CRPPA: variants seen among roughly 807,000 people sequenced by gnomAD.
CRPPA encodes D-ribitol-5-phosphate cytidylyltransferase.
CRPPA carries 43 observed loss-of-function variants against 52.0 expected under a neutral mutation model. The observed-to-expected ratio is 0.83, with a 90% CI of 0.65 to 1.07. The LOEUF (loss-of-function observed/expected upper bound fraction) is 1.07. Among genes scored for constraint, CRPPA ranks in the 50% least tolerant of loss-of-function variants. The pLI, the probability that CRPPA is intolerant of heterozygous loss-of-function variation, is 0.00. For missense variants in CRPPA, 629 were observed against 551.7 expected, an observed-to-expected ratio of 1.14 and a Z score of -1.40; for synonymous variants, 250 against 203.5, an observed-to-expected ratio of 1.23 and a Z score of -1.94.
intron 5 of CRPPA, among the ~76,000 whole-genome samples, chr7:16,300,036 G>A (rs937923273): frequency 3.3e-5 from 5 of 152,104 alleles, no homozygotes; most frequent in Non-Finnish European, 7.4e-5. Context: ...TCATTCAGCC[G>A]ACTTTTCCAG....
chr7:16,379,577 G>A (rs1403332156), intron 2 of CRPPA, among the ~76,000 whole-genome samples: 1 of 152,112 alleles, frequency 6.6e-6, no homozygotes, highest in Non-Finnish European at 1.5e-5. Flanking sequence ...AAATTACCTT[G>A]GGCAGTACGG....
chr7:16,237,404 T>C (rs2128405022), intron 8 of CRPPA: 1 of 152,290 alleles, frequency 6.6e-6, no homozygotes, highest in Middle Eastern at 3.4e-3. Context: ...TCTCATTGTG[T>C]CCTCAGGTGG....
intron 3 of CRPPA, among the ~76,000 whole-genome samples, chr7:16,324,901 C>G (rs1263396311): frequency 1.3e-5 from 2 of 152,222 alleles, no homozygotes; most frequent in African/African-American, 4.8e-5. Flanking sequence ...ATATTGAGTA[C>G]TCGCCCTGTC....
intron 5 of CRPPA, among the ~76,000 whole-genome samples, chr7:16,295,277 A>G (rs1281277425): frequency 6.6e-6 from 1 of 152,156 alleles, no homozygotes; most frequent in Non-Finnish European, 1.5e-5. Flanking sequence ...TTCTGAACCA[A>G]CAAGAATTTC....
At chr7:16,153,405 T>G (rs1011069332) in intron 9 of CRPPA, among the ~76,000 whole-genome samples, 9 of 152,064 alleles carry the variant, frequency 5.9e-5, no homozygotes, top group African/African-American at 2.2e-4. Context: ...TAAGAATATA[T>G]GATAGAGTAT....
chr7:16,362,646 T>A (rs1786485617), intron 3 of CRPPA, among the ~76,000 whole-genome samples: 1 of 152,178 alleles, frequency 6.6e-6, no homozygotes, highest in Admixed American at 6.5e-5. Flanking sequence ...ACCTGAGGTA[T>A]GAGAGAAAGT....
chr7:16,421,494 G>C lies in CRPPA; in HGVS notation c.-172C>G, dbSNP rs1456790540. Among the ~76,000 whole-genome samples, 1 of 152,156 alleles carries C rather than the reference G, an allele frequency of 6.6e-6. No individual in the cohort carries two copies. Among genetic ancestry groups the C allele is most frequent in the Non-Finnish European group, 1.5e-5 (1 of 68,012 alleles). Reference sequence around the variant, plus strand: ...GGAGCCCCGCTGTTGCTGCCCCGCAGGGGACGATCCCGACAGCTACGGCAG... The same window carrying C: ...GGAGCCCCGCTGTTGCTGCCCCGCACGGGACGATCCCGACAGCTACGGCAG... On this transcript the variant is annotated 5_prime_UTR_variant, in exon 1 of 10. Transcript: ENST00000407010.
At chr7:16,277,507 A>G (rs1784229382) in intron 6 of CRPPA, 1 of 152,238 alleles carries the variant, frequency 6.6e-6, no homozygotes, top group East Asian at 1.9e-4. Flanking sequence ...TAATGAAAAC[A>G]GAAATTAATT....
intron 1 of CRPPA, among the ~76,000 whole-genome samples, chr7:16,407,069 G>C (rs906572653): frequency 6.6e-6 from 1 of 152,150 alleles, no homozygotes; most frequent in East Asian, 1.9e-4. Flanking sequence ...TCTGCCTCCT[G>C]GGTTCAAACG....
intron 8 of CRPPA, among the ~76,000 whole-genome samples, chr7:16,240,063 C>T (rs574681469): frequency 1.3e-5 from 2 of 151,712 alleles, no homozygotes; most frequent in East Asian, 3.9e-4. Context: ...ATTCTATATC[C>T]CATAACACAA....
chr7:16,206,728 T>C (rs1238072850), intron 9 of CRPPA, among the ~76,000 whole-genome samples: 2 of 152,092 alleles, frequency 1.3e-5, no homozygotes, highest in Admixed American at 6.6e-5. Flanking sequence ...AACATACATA[T>C]AAACAATGAT....
chr7:16,195,630 C>T (rs970615887), intron 9 of CRPPA, among the ~76,000 whole-genome samples: 5 of 152,126 alleles, frequency 3.3e-5, no homozygotes, highest in Non-Finnish European at 7.4e-5. Flanking sequence ...TACCTTCCTC[C>T]CCATCTCTGG....
intron 3 of CRPPA, among the ~76,000 whole-genome samples, chr7:16,325,626 A>T (rs1034208819): frequency 2.6e-5 from 4 of 152,048 alleles, no homozygotes; most frequent in African/African-American, 4.8e-5. Flanking sequence ...GTACCAAAAA[A>T]CCTTTTCCAA....
chr7:16,298,229 T>G (rs540778614), intron 5 of CRPPA, among the ~76,000 whole-genome samples: 2 of 152,282 alleles, frequency 1.3e-5, no homozygotes, highest in East Asian at 3.9e-4. Flanking sequence ...TTATAACATG[T>G]GATGTACTGC....
At chr7:16,244,953 T>A (rs939222449) in intron 8 of CRPPA, among the ~76,000 whole-genome samples, 1 of 152,150 alleles carries the variant, frequency 6.6e-6, no homozygotes, top group African/African-American at 2.4e-5. Flanking sequence ...TATTTTCTGA[T>A]GAATAAAACC....
In CRPPA at chr7:16,250,126, A is replaced by G. The variant is rs375354332; in HGVS notation, c.1119+8264T>C. On this transcript the variant is annotated intron_variant, in intron 8 of 9. Transcript: ENST00000407010. The stretch of plus-strand genomic sequence containing the variant: ...CTGAATCGATCAGGCAGAAGAAAGT[A>G]TATCAGTGATTACTTAATGAAATAA... Among the ~76,000 whole-genome samples, 18 of 152,324 alleles carry G rather than the reference A, an allele frequency of 1.2e-4. No homozygotes were observed. In the South Asian group the frequency reaches 3.7e-3, roughly 32 times the overall value.
At chr7:16,115,303 C>T (rs1319387623) in intron 9 of CRPPA, among the ~76,000 whole-genome samples, 4 of 151,896 alleles carry the variant, frequency 2.6e-5, no homozygotes, top group East Asian at 3.9e-4. Flanking sequence ...TATGTGTATG[C>T]TATGTTGAGT....
intron 9 of CRPPA, among the ~76,000 whole-genome samples, chr7:16,215,270 A>G (rs1038374704): frequency 1.3e-5 from 2 of 152,226 alleles, no homozygotes; most frequent in South Asian, 2.1e-4. Context: ...TCAACTTGCT[A>G]GACTCTTGTA....
intron 9 of CRPPA, among the ~76,000 whole-genome samples, chr7:16,205,346 T>C (rs1279925396): frequency 6.6e-6 from 1 of 152,150 alleles, no homozygotes; most frequent in Non-Finnish European, 1.5e-5. Flanking sequence ...GTGTTCTCAA[T>C]TCATTAGAAA....
Sources: allele counts gnomAD v4.1 joint callset (sites outside exome capture counted in the v4.1 genomes callset), GRCh38; gene constraint gnomAD v4.1.1; transcripts MANE v1.5; gene names NCBI Gene and HGNC (gene_info 2026-07-23, HGNC 2026-07-21).